Variants in FRMPD3 observed in about 807,000 individuals in gnomAD.
The protein encoded by FRMPD3 is FERM and PDZ domain containing 3.
Under a neutral mutation model 97.9 loss-of-function variants are expected in FRMPD3, and 42 were observed. The observed-to-expected ratio is 0.43, with a 90% CI of 0.34 to 0.55. FRMPD3 has a LOEUF of 0.55. Ranked by LOEUF, FRMPD3 falls within the 20% of genes least tolerant of loss-of-function variation. The pLI is 0.03. For missense variants in FRMPD3, 1,303 were observed against 1,457.7 expected, an observed-to-expected ratio of 0.89 and a Z score of 1.73; for synonymous variants, 577 against 581.1, an observed-to-expected ratio of 0.99 and a Z score of 0.10.
intron 1 of FRMPD3, among the ~76,000 whole-genome samples, chrX:107,466,991 T>G (rs930969555): frequency 1.1e-5 from 1 of 90,685 alleles, no homozygotes; most frequent in Non-Finnish European, 2.2e-5. Flanking sequence ...AGGTTGGAGG[T>G]GTGTGTGTGT....
intron 1 of FRMPD3, among the ~76,000 whole-genome samples, chrX:107,484,932 A>G (rs1396710204): frequency 8.9e-6 from 1 of 112,432 alleles, no homozygotes; most frequent in African/African-American, 3.2e-5. Flanking sequence ...CTGACAGTTC[A>G]GTCAACCTCC....
intron 1 of FRMPD3, among the ~76,000 whole-genome samples, chrX:107,481,935 T>C (rs1307423342): frequency 2.7e-5 from 3 of 111,389 alleles, no homozygotes; most frequent in African/African-American, 9.8e-5. Flanking sequence ...CTTCCTAATT[T>C]TGCACATAAG....
intron 1 of FRMPD3, among the ~76,000 whole-genome samples, chrX:107,491,490 G>C (rs1187477047): frequency 8.9e-6 from 1 of 112,439 alleles, no homozygotes; most frequent in Non-Finnish European, 1.9e-5. Context: ...CTCACAGCTA[G>C]TGAGTAGCAG....
At chrX:107,453,227 C>T (rs1051415925) in intron 1 of FRMPD3, among the ~76,000 whole-genome samples, 1 of 111,214 alleles carries the variant, frequency 9.0e-6, no homozygotes, top group Non-Finnish European at 1.9e-5. Context: ...ACACATATCA[C>T]ACACAAGACA....
chrX:107,587,784 A>T (rs375297172), intron 13 of FRMPD3, among the ~76,000 whole-genome samples: 17 of 109,870 alleles, frequency 1.5e-4, no homozygotes, highest in African/African-American at 4.3e-4. Context: ...GGTCCTCAAT[A>T]TTTTTTTTTA....
intron 1 of FRMPD3, among the ~76,000 whole-genome samples, chrX:107,486,300 A>G (rs1299396699): frequency 1.8e-5 from 2 of 112,310 alleles, no homozygotes; most frequent in African/African-American, 3.2e-5. Flanking sequence ...TTATCTACCC[A>G]CATGGTGTGC....
At chrX:107,508,053 TC>T in intron 1 of FRMPD3, among the ~76,000 whole-genome samples, 1 of 111,981 alleles carries the variant, frequency 8.9e-6, no homozygotes, top group South Asian at 3.8e-4. Context: ...GTAGATACTA[TC>T]CCCATTTTAC....
intron 1 of FRMPD3, among the ~76,000 whole-genome samples, chrX:107,460,688 A>G (rs1931455022): frequency 9.0e-6 from 1 of 111,304 alleles, no homozygotes; most frequent in African/African-American, 3.3e-5. Context: ...TACCGTGTCC[A>G]GCCCCCAGAG....
At chrX:107,521,547 G>T (rs1207843900) in intron 1 of FRMPD3, among the ~76,000 whole-genome samples, 2 of 112,818 alleles carry the variant, frequency 1.8e-5, no homozygotes, top group Non-Finnish European at 3.7e-5. Flanking sequence ...AGGAAGAAAG[G>T]TTTGTGCCCA....
Position 107,516,711 on chromosome X carries a change from G to A in FRMPD3, c.-7-9871G>A, listed in dbSNP as rs536892078. ...GTCTGTTCATATCCTTCGCCCACTT[G>A]TTGATGGGGTTGTTTTTTTTTTTCT... On this transcript the variant is annotated intron_variant, in intron 1 of 14. Coordinates refer to ENST00000683843, the MANE Select transcript of FRMPD3 (RefSeq NM_001388459.1). Among the ~76,000 whole-genome samples, 56 of 109,754 alleles carry A rather than the reference G, an allele frequency of 5.1e-4. No homozygotes were observed. In the East Asian group the frequency reaches 0.013, roughly 26 times the overall value.
At chrX:107,533,077 C>G (rs948161631) in intron 3 of FRMPD3, among the ~76,000 whole-genome samples, 1 of 111,689 alleles carries the variant, frequency 9.0e-6, no homozygotes, top group Admixed American at 9.5e-5. Context: ...AATTTCTCTT[C>G]TCACTTAAAT....
chrX:107,467,915 A>G (rs1361060464), intron 1 of FRMPD3, among the ~76,000 whole-genome samples: 1 of 111,965 alleles, frequency 8.9e-6, no homozygotes, highest in Non-Finnish European at 1.9e-5. Flanking sequence ...GATGGCCTTC[A>G]GCTTTTTCCT....
intron 5 of FRMPD3, among the ~76,000 whole-genome samples, chrX:107,546,578 G>A (rs1244049670): frequency 8.9e-6 from 1 of 112,425 alleles, no homozygotes; most frequent in East Asian, 2.8e-4. Context: ...AGGTTTACAT[G>A]CAGTGAACTG....
chrX:107,560,296 C>A lies in FRMPD3; in HGVS notation c.802C>A (p.Pro268Thr). ...DVIRERFGMDPKPEMLLGLAA... is the reference protein window; with the variant it reads ...DVIRERFGMDTKPEMLLGLAA... ...TATTCGAGAACGCTTTGGAATGGAT[C>A]CCAAGCCAGAGATGCTTTTGGGCCT... The change falls in exon 9 of 15, where the codon CCC becomes ACC. Residue 268 changes from proline (P) to threonine (T), a missense_variant. Physicochemically the swap from Pro to Thr is conservative, Grantham distance 38. This residue lies in a region of FRMPD3 where 535 missense variants were observed against 618.6 expected (regional missense o/e 0.86). Transcript: ENST00000683843. 8.3e-7 allele frequency: 1 copy of A among 1,209,240 alleles called. No individual in the cohort carries two copies. Among genetic ancestry groups the A allele is most frequent in the Non-Finnish European group, 1.1e-6 (1 of 894,930 alleles).
intron 2 of FRMPD3, among the ~76,000 whole-genome samples, chrX:107,528,782 T>C: frequency 8.9e-6 from 1 of 111,780 alleles, no homozygotes; most frequent in Non-Finnish European, 1.9e-5. Context: ...CTGTAAAGAG[T>C]GTTCTGTTAG....
chrX:107,543,817 GAAA>G (rs58427780), intron 4 of FRMPD3, among the ~76,000 whole-genome samples: 2 of 66,507 alleles, frequency 3.0e-5, no homozygotes, highest in Non-Finnish European at 2.9e-5. Flanking sequence ...CTCCTTCTCA[GAAA>G]AAAAAAAAAA....
chrX:107,539,972 T>G (rs1332693175), intron 4 of FRMPD3, among the ~76,000 whole-genome samples: 1 of 111,503 alleles, frequency 9.0e-6, no homozygotes, highest in Admixed American at 9.5e-5. Context: ...AAAGGGACAC[T>G]CTAGACCCTG....
At chrX:107,583,190 A>G (rs929912299) in intron 13 of FRMPD3, among the ~76,000 whole-genome samples, 2 of 108,330 alleles carry the variant, frequency 1.8e-5, no homozygotes, top group Admixed American at 1.0e-4. Flanking sequence ...TACATGTGCC[A>G]TGGTGGTTTG....
chrX:107,460,341 C>G (rs1292832149), intron 1 of FRMPD3, among the ~76,000 whole-genome samples: 2 of 111,060 alleles, frequency 1.8e-5, no homozygotes, highest in African/African-American at 6.6e-5. Flanking sequence ...TCTTTATCAT[C>G]CCACTTCTAA....
Sources: gnomAD v4.1 joint callset for allele counts (sites outside exome capture counted in the v4.1 genomes callset) on GRCh38, gnomAD v4.1.1 for gene constraint, gnomAD v4.1.1 regional missense constraint, MANE v1.5 for transcripts, NCBI Gene and HGNC (gene_info 2026-07-23, HGNC 2026-07-21) for gene names.